CPS1: variants seen among roughly 807,000 people sequenced by gnomAD.
The protein encoded by CPS1 is carbamoyl-phosphate synthase [ammonia], mitochondrial.
CPS1 carries 109 observed loss-of-function variants against 174.6 expected under a neutral mutation model. That is an observed-to-expected ratio of 0.62 (90% CI 0.53 to 0.73). The LOEUF is 0.73. Among genes scored for constraint, CPS1 ranks in the 30% least tolerant of loss-of-function variants. The pLI is 0.00. For synonymous variants in CPS1, 637 were observed against 632.0 expected, an observed-to-expected ratio of 1.01 and a Z score of -0.12; for missense variants, 1,689 against 1,821.9, an observed-to-expected ratio of 0.93 and a Z score of 1.33.
At chr2:210,626,836 T>A (rs1699712632) in intron 21 of CPS1, among the ~76,000 whole-genome samples, 1 of 152,222 alleles carries the variant, frequency 6.6e-6, no homozygotes, top group East Asian at 1.9e-4. Context: ...TTATTTAAAA[T>A]ACAGGCATCT....
chr2:210,643,529 A>G (rs947434987), intron 25 of CPS1, among the ~76,000 whole-genome samples: 5 of 152,236 alleles, frequency 3.3e-5, no homozygotes, highest in African/African-American at 9.6e-5. Context: ...AGTTACATAA[A>G]TTCTCCGTGC....
At chr2:210,652,036 G>A (rs1399667827) in intron 28 of CPS1, among the ~76,000 whole-genome samples, 1 of 152,158 alleles carries the variant, frequency 6.6e-6, no homozygotes, top group Non-Finnish European at 1.5e-5. Flanking sequence ...AAAGTCTTGG[G>A]CTCCAGTCCC....
chr2:210,532,335 G>A (rs748331885), intron 1 of CPS1, among the ~76,000 whole-genome samples: 3 of 152,162 alleles, frequency 2.0e-5, no homozygotes, highest in Non-Finnish European at 2.9e-5. Flanking sequence ...TGCTTGGAAT[G>A]TATTAGATTA....
At chr2:210,654,315 CTGA>C (rs1280942338) in intron 29 of CPS1, among the ~76,000 whole-genome samples, 2 of 152,124 alleles carry the variant, frequency 1.3e-5, no homozygotes, top group Non-Finnish European at 2.9e-5. Flanking sequence ...TAGAATTTCT[CTGA>C]TGATATTCAA....
At chr2:210,598,594 G>A (rs374242327) in intron 13 of CPS1, among the ~76,000 whole-genome samples, 4 of 151,874 alleles carry the variant, frequency 2.6e-5, no homozygotes, top group African/African-American at 4.8e-5. Flanking sequence ...TCAAATGAAC[G>A]AGGATTTAAA....
At chr2:210,585,915 T>C (rs1559089816) in intron 6 of CPS1, among the ~76,000 whole-genome samples, 1 of 151,670 alleles carries the variant, frequency 6.6e-6, no homozygotes, top group Non-Finnish European at 1.5e-5. Context: ...GAAAGGATGT[T>C]CCCATGCCCT....
chr2:210,524,849 ACCT>A (rs1357863739), intron 1 of CPS1, among the ~76,000 whole-genome samples: 2 of 149,480 alleles, frequency 1.3e-5, no homozygotes, highest in African/African-American at 4.9e-5. Flanking sequence ...TCTGTGCAAA[ACCT>A]CCTTCAGTGT....
At chr2:210,634,169 G>A (rs553138291) in intron 21 of CPS1, among the ~76,000 whole-genome samples, 11 of 152,240 alleles carry the variant, frequency 7.2e-5, no homozygotes, top group South Asian at 4.1e-4. Context: ...GGTGGCTCAC[G>A]CCTGTAATCC....
intron 7 of CPS1, among the ~76,000 whole-genome samples, chr2:210,589,093 A>C (rs1314599484): frequency 6.6e-6 from 1 of 151,952 alleles, no homozygotes; most frequent in African/African-American, 2.4e-5. Flanking sequence ...GTGTTTAACC[A>C]CCCTGGCTCC....
chr2:210,634,417 G>A lies in CPS1; in HGVS notation c.2688-3285G>A, dbSNP rs150518750. The stretch of plus-strand genomic sequence containing the variant: ...TGCACTTCAGCCTGGGCGACAGAGC[G>A]AGACTCCGTCTCAAAAGAAAAAAAA... On this transcript the variant is annotated intron_variant, in intron 21 of 37. Transcript: ENST00000233072. 4.3e-3 allele frequency among the ~76,000 whole-genome samples: 660 copies of A among 152,186 alleles called. 7 individuals carry two copies. Among genetic ancestry groups the A allele is most frequent in the Non-Finnish European group, 4.6e-3 (310 of 67,998 alleles).
chr2:210,569,092 G>T (rs1697395642), intron 1 of CPS1, among the ~76,000 whole-genome samples: 1 of 152,152 alleles, frequency 6.6e-6, no homozygotes, highest in Non-Finnish European at 1.5e-5. Flanking sequence ...TTAGTGACTT[G>T]TCTACTCTGT....
intron 1 of CPS1, among the ~76,000 whole-genome samples, chr2:210,483,241 G>A (rs1694625019): frequency 6.6e-6 from 1 of 152,062 alleles, no homozygotes; most frequent in African/African-American, 2.4e-5. Context: ...AGCAATTAGT[G>A]GTGTTGGTAG....
chr2:210,648,604 T>C, intron 27 of CPS1, 64 bp downstream of exon 27: 1 of 1,207,642 alleles, frequency 8.3e-7, no homozygotes, highest in Non-Finnish European at 1.2e-6. Context: ...AAATGCATGC[T>C]GTATGCTAAT....
At chr2:210,549,812 T>C (rs546524394) in intron 1 of CPS1, among the ~76,000 whole-genome samples, 1 of 152,174 alleles carries the variant, frequency 6.6e-6, no homozygotes, top group East Asian at 1.9e-4. Flanking sequence ...AAAGCAATCC[T>C]GTTTCCTGAT....
rs1294583133 is a variant in CPS1, at chr2:210,593,681, T to C, written c.1164+725T>C. The C allele has an allele frequency of 4.1e-6, 4 of 983,866 alleles. No individual in the cohort carries two copies. The African/African-American group carries it at 7.0e-5, about 17-fold the overall frequency. 60.9% of individuals were successfully genotyped at this position (983,866 alleles called of 1,614,324 possible). A position where few individuals can be genotyped will look rare whatever the true frequency, so the allele number is the denominator to read the frequency against. ...TCTCAGAAAAGACTTCGAGGTAAAATGGGGAAGAGAATAAGAGCTTTCTTT... is the reference window on the plus strand; with the variant it reads ...TCTCAGAAAAGACTTCGAGGTAAAACGGGGAAGAGAATAAGAGCTTTCTTT... On this transcript the variant is annotated intron_variant, in intron 11 of 37. Coordinates refer to ENST00000233072, the MANE Select transcript of CPS1 (RefSeq NM_001875.5).
chr2:210,653,148 G>C (rs1200745040), intron 28 of CPS1, among the ~76,000 whole-genome samples: 1 of 152,092 alleles, frequency 6.6e-6, no homozygotes, highest in Non-Finnish European at 1.5e-5. Flanking sequence ...ATGAAGCTGA[G>C]GAGAAAAGAT....
chr2:210,663,336 T>C (rs1311526839), intron 33 of CPS1, 139 bp downstream of exon 33: 2 of 815,250 alleles, frequency 2.5e-6, no homozygotes, highest in Non-Finnish European at 3.9e-6. Context: ...GAATTTTGAA[T>C]TTAAAAAATA....
chr2:210,604,735 T>C (rs1363641601), intron 16 of CPS1, among the ~76,000 whole-genome samples: 1 of 151,904 alleles, frequency 6.6e-6, no homozygotes, highest in African/African-American at 2.4e-5. Flanking sequence ...GACTTATTTT[T>C]CCATATTTAT....
At chr2:210,669,725 C>T (rs1000325457) in intron 34 of CPS1, among the ~76,000 whole-genome samples, 4 of 152,060 alleles carry the variant, frequency 2.6e-5, no homozygotes, top group African/African-American at 9.7e-5. Flanking sequence ...ATATGATAGA[C>T]TCATCATGTT....
Sources: gnomAD v4.1 joint callset for allele counts (sites outside exome capture counted in the v4.1 genomes callset) on GRCh38, gnomAD v4.1.1 for gene constraint, MANE v1.5 for transcripts, NCBI Gene and HGNC (gene_info 2026-07-23, HGNC 2026-07-21) for gene names.